The following GRIK2 variants were observed in gnomAD, a reference collection of about 807,000 sequenced individuals.
GRIK2 encodes glutamate receptor ionotropic, kainate 2.
Under a neutral mutation model 100.3 loss-of-function variants are expected in GRIK2, and 32 were observed. The observed-to-expected ratio is 0.32, with a 90% CI of 0.24 to 0.43. GRIK2 has a LOEUF of 0.43. Among genes scored for constraint, GRIK2 ranks in the 20% least tolerant of loss-of-function variants. The pLI is 1.00. For missense variants in GRIK2, 843 were observed against 1,114.9 expected (o/e 0.76, Z 3.47); for synonymous variants, 417 against 389.4 (o/e 1.07, Z -0.83).
intron 10 of GRIK2, among the ~76,000 whole-genome samples, chr6:101,832,793 A>G (rs1352663607): frequency 6.6e-6 from 1 of 152,166 alleles, no homozygotes; most frequent in Non-Finnish European, 1.5e-5. Flanking sequence ...TTTTGGCTTT[A>G]GAGTTCAAAT....
chr6:101,526,229 G>T (rs1271539605), intron 2 of GRIK2, among the ~76,000 whole-genome samples: 1 of 152,070 alleles, frequency 6.6e-6, no homozygotes. Context: ...TATTAATAGG[G>T]TATTGATTTG....
chr6:102,009,935 A>G (rs1213929070), intron 14 of GRIK2, among the ~76,000 whole-genome samples: 1 of 152,126 alleles, frequency 6.6e-6, no homozygotes, highest in Non-Finnish European at 1.5e-5. Flanking sequence ...ATGTGAATGT[A>G]TTTATGCTTT....
At chr6:101,900,625 A>G (rs1412655928) in intron 12 of GRIK2, among the ~76,000 whole-genome samples, 2 of 152,112 alleles carry the variant, frequency 1.3e-5, no homozygotes, top group Non-Finnish European at 2.9e-5. Context: ...TAGAGTGTCT[A>G]TTTTCAAAAG....
intron 2 of GRIK2, among the ~76,000 whole-genome samples, chr6:101,432,009 A>G (rs539260813): frequency 6.6e-6 from 1 of 152,340 alleles, no homozygotes; most frequent in South Asian, 2.1e-4. Flanking sequence ...ACAAGAAGCT[A>G]ATAATACACT....
intron 2 of GRIK2, among the ~76,000 whole-genome samples, chr6:101,524,718 GTTTT>G (rs11339091): frequency 7.4e-6 from 1 of 134,284 alleles, no homozygotes. Context: ...TTGCATGTTC[GTTTT>G]TTTTTTTTTT....
chr6:101,531,517 T>C (rs1775443119), intron 2 of GRIK2, among the ~76,000 whole-genome samples: 1 of 151,910 alleles, frequency 6.6e-6, no homozygotes, highest in Admixed American at 6.6e-5. Flanking sequence ...GACTGTATAA[T>C]TACAATAGAA....
chr6:101,454,155 G>A (rs1233544979), intron 2 of GRIK2, among the ~76,000 whole-genome samples: 3 of 151,938 alleles, frequency 2.0e-5, no homozygotes, highest in Non-Finnish European at 4.4e-5. Context: ...TTCCTCCTTA[G>A]TTTTCTTTGA....
At position 101,816,456 on chromosome 6, in the gene GRIK2, C is replaced by T. The variant is rs1204079302; in HGVS notation, c.1204-1914C>T. 3.3e-5 allele frequency among the ~76,000 whole-genome samples: 5 copies of T among 152,142 alleles called. No homozygotes were observed. The East Asian group carries it at 5.8e-4, about 18-fold the overall frequency. ...CAGCACTTTGGGAGGCCAAGGCAGG[C>T]GGACCATGAGGTCAAGAGATCGAGA... On this transcript the variant is annotated intron_variant, in intron 9 of 16. Transcript: ENST00000369134.
At chr6:101,790,284 C>T (rs1379215882) in intron 7 of GRIK2, among the ~76,000 whole-genome samples, 1 of 151,812 alleles carries the variant, frequency 6.6e-6, no homozygotes, top group Non-Finnish European at 1.5e-5. Context: ...TGTCTTGTGC[C>T]AGTTTTCAAA....
At chr6:101,404,153 C>T (rs1775482289) in intron 2 of GRIK2, among the ~76,000 whole-genome samples, 1 of 152,192 alleles carries the variant, frequency 6.6e-6, no homozygotes, top group African/African-American at 2.4e-5. Flanking sequence ...TTCAGACTAG[C>T]TTTGCTTTTT....
chr6:101,456,894 A>G (rs1217192467), intron 2 of GRIK2, among the ~76,000 whole-genome samples: 3 of 152,166 alleles, frequency 2.0e-5, no homozygotes, highest in African/African-American at 7.2e-5. Context: ...CAAGACAAGC[A>G]ATACTAGAGG....
At chr6:101,872,681 T>C (rs1324015704) in intron 11 of GRIK2, among the ~76,000 whole-genome samples, 1 of 151,876 alleles carries the variant, frequency 6.6e-6, no homozygotes, top group Non-Finnish European at 1.5e-5. Context: ...CCCCTCTGAA[T>C]AGCATGTACT....
intron 7 of GRIK2, among the ~76,000 whole-genome samples, chr6:101,720,090 C>CA (rs1774369810): frequency 6.6e-6 from 1 of 150,936 alleles, no homozygotes; most frequent in African/African-American, 2.5e-5. Context: ...AGGATGATTT[C>CA]GTTTTTTTTT....
At chr6:101,949,724 T>A (rs1791497972) in intron 14 of GRIK2, among the ~76,000 whole-genome samples, 1 of 152,226 alleles carries the variant, frequency 6.6e-6, no homozygotes, top group East Asian at 1.9e-4. Flanking sequence ...ATGGTGTATA[T>A]GTGCCACATT....
chr6:102,003,551 T>C (rs1301345053), intron 14 of GRIK2, among the ~76,000 whole-genome samples: 1 of 151,892 alleles, frequency 6.6e-6, no homozygotes, highest in Non-Finnish European at 1.5e-5. Context: ...TTATTGTTAT[T>C]CATATCCCAA....
At chr6:101,683,202 A>AG in intron 6 of GRIK2, among the ~76,000 whole-genome samples, 1 of 115,850 alleles carries the variant, frequency 8.6e-6, no homozygotes, top group East Asian at 4.2e-4. Context: ...CTCCATCTAG[A>AG]AAAAAAAAAA....
intron 14 of GRIK2, among the ~76,000 whole-genome samples, chr6:101,970,080 A>T (rs997966266): frequency 6.6e-5 from 10 of 152,032 alleles, no homozygotes; most frequent in Non-Finnish European, 1.2e-4. Context: ...ACAGCATTTT[A>T]TGCCCTTTTT....
At chr6:101,494,247 T>C (rs570174720) in intron 2 of GRIK2, among the ~76,000 whole-genome samples, 130 of 151,354 alleles carry the variant, frequency 8.6e-4, no homozygotes, top group African/African-American at 3.1e-3. Context: ...CCTTAAGTCT[T>C]CAATAAACGT....
At chr6:101,696,328 C>T (rs575855559) in intron 7 of GRIK2, among the ~76,000 whole-genome samples, 2 of 151,708 alleles carry the variant, frequency 1.3e-5, no homozygotes, top group Non-Finnish European at 2.9e-5. Context: ...AATAATCCTA[C>T]CTCTGATGTT....
Sources: allele counts gnomAD v4.1 joint callset (sites outside exome capture counted in the v4.1 genomes callset), GRCh38; gene constraint gnomAD v4.1.1; transcripts MANE v1.5; gene names NCBI Gene and HGNC (gene_info 2026-07-23, HGNC 2026-07-21).